Variants in SLCO3A1 observed in about 807,000 individuals in gnomAD.
SLCO3A1 encodes PGE1 transporter.
SLCO3A1 carries 27 observed loss-of-function variants against 63.1 expected under a neutral mutation model. The observed-to-expected ratio is 0.43, with a 90% confidence interval of 0.32 to 0.59. The LOEUF is 0.59. Among genes scored for constraint, SLCO3A1 ranks in the 20% least tolerant of loss-of-function variants. The probability of loss-of-function intolerance (pLI) is 0.09; values close to 1 mark genes in which losing one functional copy is unlikely to be tolerated. For synonymous variants in SLCO3A1, 473 were observed against 409.9 expected, an observed-to-expected ratio of 1.15 and a Z score of -1.86; for missense variants, 773 against 945.8, an observed-to-expected ratio of 0.82 and a Z score of 2.40.
At position 92,165,273 on chromosome 15, in the gene SLCO3A1, C is replaced by T. The variant is rs1197218445; in HGVS notation, c.*2138C>T. 1.0e-5 allele frequency: 10 copies of T among 985,266 alleles called. No homozygotes were observed. The highest frequency in any genetic ancestry group is 1.2e-5 in the Non-Finnish European group (10 of 829,914). 61.0% of individuals were successfully genotyped at this position (985,266 alleles called of 1,614,324 possible). A position where few individuals can be genotyped will look rare whatever the true frequency, so the allele number is the denominator to read the frequency against. On this transcript the variant is annotated 3_prime_UTR_variant, in exon 10 of 10. Transcript: ENST00000318445. ...GTCCTTGCTTATGAAAATGGGGACACTCATCAGTACGTTAACTACTAAAGG... is the reference window on the plus strand; with the variant it reads ...GTCCTTGCTTATGAAAATGGGGACATTCATCAGTACGTTAACTACTAAAGG...
rs1460276221 is a variant in SLCO3A1 at position 91,882,319 on chromosome 15, C to A, written c.180+28231C>A. On this transcript the variant is annotated intron_variant, in intron 1 of 9. Transcript: ENST00000318445. This position sits in a 1 kb window ranked among gnomAD's most constrained non-coding sequence, Gnocchi z 4.4. ...GAATTGTGGACAAACCATTCACACT[C>A]CTTAAATGGTATATATTGAACCCAT... 6.6e-6 allele frequency among the ~76,000 whole-genome samples: 1 copy of A among 152,174 alleles called. No individual in the cohort carries two copies. Among genetic ancestry groups the A allele is most frequent in the Non-Finnish European group, 1.5e-5 (1 of 68,026 alleles).
chr15:91,957,618 C>T (rs757889063), intron 2 of SLCO3A1, among the ~76,000 whole-genome samples: 10 of 152,130 alleles, frequency 6.6e-5, no homozygotes, highest in Non-Finnish European at 1.3e-4. Context: ...ATCCTCCTGG[C>T]TCTCCTTCAT....
chr15:91,896,819 A>T (rs1321437624), intron 1 of SLCO3A1, among the ~76,000 whole-genome samples: 1 of 152,234 alleles, frequency 6.6e-6, no homozygotes, highest in Non-Finnish European at 1.5e-5. Flanking sequence ...TAGTGTGAAT[A>T]AAGGTGAGTC....
In SLCO3A1 at chr15:92,049,969, G is replaced by A. The variant is rs146353535; in HGVS notation, c.647-44912G>A. On this transcript the variant is annotated intron_variant, in intron 2 of 9. Transcript: ENST00000318445. ...ACCTGAAGGAGCAGCAAATGTCAGC[G>A]GAATTTCTTCCAGCTTAAAATGAAT... Among the ~76,000 whole-genome samples, 587 of 152,240 alleles carry A rather than the reference G, an allele frequency of 3.9e-3. 6 individuals are homozygous for A. Among genetic ancestry groups the A allele is most frequent in the African/African-American group, 0.013 (546 of 41,542 alleles).
chr15:92,120,839 T>C (rs1418875961), intron 5 of SLCO3A1, among the ~76,000 whole-genome samples: 2 of 152,048 alleles, frequency 1.3e-5, no homozygotes, highest in African/African-American at 4.8e-5. Flanking sequence ...CACATGATAA[T>C]AAAGAGTGAA....
chr15:92,025,337 AT>A (rs1295533175), intron 2 of SLCO3A1, among the ~76,000 whole-genome samples: 9 of 152,120 alleles, frequency 5.9e-5, no homozygotes. Flanking sequence ...TTAAGTTCTT[AT>A]TTTAAGGCTG....
At chr15:92,032,191 C>T (rs914918384) in intron 2 of SLCO3A1, among the ~76,000 whole-genome samples, 2 of 152,170 alleles carry the variant, frequency 1.3e-5, no homozygotes, top group Non-Finnish European at 2.9e-5. Context: ...AAAAGGCTGG[C>T]ATTAAATATT....
At chr15:91,926,596 T>TGCGCGCGC (rs141222641) in intron 2 of SLCO3A1, among the ~76,000 whole-genome samples, 6 of 105,240 alleles carry the variant, frequency 5.7e-5, no homozygotes, top group African/African-American at 2.2e-4. Flanking sequence ...TGTGTGTGTG[T>TGCGCGCGC]GCGCGCGCGC....
At chr15:92,120,758 G>C in intron 5 of SLCO3A1, 129 bp downstream of exon 5, 1 of 732,358 alleles carries the variant, frequency 1.4e-6, no homozygotes, top group Admixed American at 2.5e-5. Context: ...GATATATGTG[G>C]CCTCTGTGCA....
At chr15:91,981,078 T>C (rs1011648870) in intron 2 of SLCO3A1, among the ~76,000 whole-genome samples, 1 of 152,058 alleles carries the variant, frequency 6.6e-6, no homozygotes, top group African/African-American at 2.4e-5. Context: ...GCAAGTTGCC[T>C]CCCCCTTAGG....
chr15:91,854,341 G>T lies in SLCO3A1; in HGVS notation c.180+253G>T. The T allele has an allele frequency of 8.9e-7, 1 of 1,126,500 alleles. No individual in the cohort carries two copies. The highest frequency in any genetic ancestry group is 1.6e-5 in the African/African-American group (1 of 61,054). The allele number at this position is 1,126,500 out of a possible 1,614,324, so 69.8% of individuals were successfully genotyped here. On this transcript the variant is annotated intron_variant, in intron 1 of 9. Coordinates refer to ENST00000318445, the MANE Select transcript of SLCO3A1 (RefSeq NM_013272.4). This position sits in a 1 kb window ranked among gnomAD's most constrained non-coding sequence, Gnocchi z 6.4. ...GCGTCCGGCTGGGGCAGGGGGTGCC[G>T]GGGGAGGAGAGGCGGCGGGCAGGTG...
chr15:92,018,945 A>G lies in SLCO3A1; in HGVS notation c.647-75936A>G, dbSNP rs745892162. 8.1e-4 allele frequency among the ~76,000 whole-genome samples: 124 copies of G among 152,272 alleles called. 4 individuals carry two copies. Among genetic ancestry groups the G allele is most frequent in the Admixed American group, 3.1e-3 (47 of 15,292 alleles). On this transcript the variant is annotated intron_variant, in intron 2 of 9. Coordinates refer to ENST00000318445, the MANE Select transcript of SLCO3A1 (RefSeq NM_013272.4). ...GGTGCTGGGCCTGGGACAAGGTGCC[A>G]TATGGGGAATTTTTTTCCCCCCAGG... is the stretch of plus-strand genomic sequence containing the variant.
In SLCO3A1 at chr15:92,164,769, TG is replaced by T. The variant is rs1261811530; in HGVS notation, c.*1638del. On this transcript the variant is annotated 3_prime_UTR_variant, in exon 10 of 10. Coordinates refer to ENST00000318445, the MANE Select transcript of SLCO3A1 (RefSeq NM_013272.4). ...CTCAGAGAATGAACCTGTTATGATT[TG>T]GGGTAAGAATCACGTTGGAAAACCT... 1 of 985,388 alleles carries T rather than the reference TG, an allele frequency of 1.0e-6. No homozygotes were observed. The highest frequency in any genetic ancestry group is 1.1e-4 in the East Asian group (1 of 8,806). 61.0% of individuals were successfully genotyped at this position (985,388 alleles called of 1,614,324 possible). A position where few individuals can be genotyped will look rare whatever the true frequency, so the allele number is the denominator to read the frequency against.
chr15:92,152,807 A>G (rs1295936217), intron 9 of SLCO3A1, among the ~76,000 whole-genome samples: 3 of 152,186 alleles, frequency 2.0e-5, no homozygotes, highest in African/African-American at 7.2e-5. Context: ...TCCCCAGGTA[A>G]GTGACCTCAG....
intron 2 of SLCO3A1, among the ~76,000 whole-genome samples, chr15:92,019,357 G>C (rs1374717558): frequency 6.6e-6 from 1 of 152,164 alleles, no homozygotes; most frequent in African/African-American, 2.4e-5. Flanking sequence ...GAAAGTCATA[G>C]GGAAATCAAA....
rs139062038 is a variant in SLCO3A1 at position 91,914,301 on chromosome 15, T to C, written c.181-1692T>C. Among the ~76,000 whole-genome samples the C allele has an allele frequency of 1.1e-3, 167 of 152,330 alleles. 1 individual carries two copies. Among genetic ancestry groups the C allele is most frequent in the African/African-American group, 3.9e-3 (164 of 41,572 alleles). On this transcript the variant is annotated intron_variant, in intron 1 of 9. Transcript: ENST00000318445. ...GAGGCTGCTCTGTGCTAACAGACTTTTCATCCATTATTTTTAATCTTCACA... is the reference window on the plus strand; with the variant it reads ...GAGGCTGCTCTGTGCTAACAGACTTCTCATCCATTATTTTTAATCTTCACA...
At chr15:91,929,638 G>C (rs1043506438) in intron 2 of SLCO3A1, among the ~76,000 whole-genome samples, 1 of 152,166 alleles carries the variant, frequency 6.6e-6, no homozygotes, top group Non-Finnish European at 1.5e-5. Context: ...TTGTGCAACA[G>C]ATGTCCAGAA....
intron 3 of SLCO3A1, among the ~76,000 whole-genome samples, chr15:92,101,597 G>T (rs1364922359): frequency 6.6e-6 from 1 of 152,142 alleles, no homozygotes; most frequent in Non-Finnish European, 1.5e-5. Flanking sequence ...GTCTTCCCCA[G>T]ATCAAACTCA....
At chr15:91,866,782 G>A (rs943438323) in intron 1 of SLCO3A1, among the ~76,000 whole-genome samples, 7 of 152,030 alleles carry the variant, frequency 4.6e-5, no homozygotes, top group Non-Finnish European at 7.4e-5. Context: ...TTCAGGTCCT[G>A]GGCCAGGTGG....
Sources: allele counts gnomAD v4.1 joint callset (sites outside exome capture counted in the v4.1 genomes callset), GRCh38; gene constraint gnomAD v4.1.1; non-coding constraint Gnocchi (gnomAD v3.1); transcripts MANE v1.5; gene names NCBI Gene and HGNC (gene_info 2026-07-23, HGNC 2026-07-21).